The following SYT15B variants were observed in gnomAD, a reference collection of about 807,000 sequenced individuals.
SYT15B encodes the protein synaptotagmin-15.
the SYT15B span, among the ~76,000 whole-genome samples, chr10:47,748,087 A>G: frequency 6.6e-6 from 1 of 152,138 alleles, no homozygotes; most frequent in African/African-American, 2.4e-5. Context: ...GAAGGGAGGA[A>G]GATGGGGCAG....
chr10:47,760,956 T>G, the SYT15B span: 2 of 1,525,440 alleles, frequency 1.3e-6, no homozygotes, highest in Non-Finnish European at 1.8e-6. Context: ...AGACAACATG[T>G]AGGTGGCAAG....
the SYT15B span, among the ~76,000 whole-genome samples, chr10:47,756,569 C>T: frequency 6.7e-6 from 1 of 148,806 alleles, no homozygotes; most frequent in Non-Finnish European, 1.5e-5. Context: ...CCCTTAAACA[C>T]CTTGTACAGA....
the SYT15B span, among the ~76,000 whole-genome samples, chr10:47,749,264 A>AAG: frequency 8.0e-6 from 1 of 124,880 alleles, no homozygotes; most frequent in East Asian, 2.5e-4. Flanking sequence ...ACACAAAAAA[A>AAG]CCTGAGAAAA....
chr10:47,755,082 G>A, the SYT15B span, among the ~76,000 whole-genome samples: 3 of 145,786 alleles, frequency 2.1e-5, no homozygotes, highest in Admixed American at 6.9e-5. Flanking sequence ...TCAGCCTCCC[G>A]AGTAGTTGGG....
At chr10:47,751,051 A>C in the SYT15B span, 1 of 149,872 alleles carries the variant, frequency 6.7e-6, no homozygotes, top group Admixed American at 6.6e-5. Flanking sequence ...CAGCTTGAGA[A>C]TATATGTTAA....
At chr10:47,762,669 G>A in the SYT15B span, 3 of 839,720 alleles carry the variant, frequency 3.6e-6, no homozygotes, top group Non-Finnish European at 4.7e-6. Context: ...TGGTCTCGCC[G>A]GTCTGGGCGG....
the SYT15B span, among the ~76,000 whole-genome samples, chr10:47,762,457 C>A: frequency 7.5e-6 from 1 of 133,628 alleles, no homozygotes; most frequent in Non-Finnish European, 1.6e-5. Flanking sequence ...CCTCCTAAGC[C>A]GCAACTGACC....
chr10:47,748,607 C>CT, the SYT15B span, among the ~76,000 whole-genome samples: 1 of 152,208 alleles, frequency 6.6e-6, no homozygotes, highest in African/African-American at 2.4e-5. Context: ...TTCTTCTTTT[C>CT]TTTTTTCTTT....
At chr10:47,755,555 C>CTTTTTTTTTT in the SYT15B span, among the ~76,000 whole-genome samples, 4 of 83,000 alleles carry the variant, frequency 4.8e-5, no homozygotes, top group African/African-American at 1.9e-4. Context: ...GTGCCCGGCC[C>CTTTTTTTTTT]TTTTTTTTTT....
At chr10:47,749,672 AG>A in the SYT15B span, among the ~76,000 whole-genome samples, 1 of 140,658 alleles carries the variant, frequency 7.1e-6, no homozygotes, top group Non-Finnish European at 1.6e-5. Flanking sequence ...AACCAATGGT[AG>A]GGGGGGAAAC....
the SYT15B span, chr10:47,763,543 TG>T: frequency 1.4e-6 from 1 of 716,418 alleles, no homozygotes; most frequent in Non-Finnish European, 1.7e-6. Flanking sequence ...CAGCGTCGCC[TG>T]GGTCCCCTCT....
At chr10:47,748,360 C>T in the SYT15B span, among the ~76,000 whole-genome samples, 15 of 148,488 alleles carry the variant, frequency 1.0e-4, 1 homozygote, top group Admixed American at 2.7e-4. Flanking sequence ...TACAGGCACG[C>T]GCCACCATGC....
the SYT15B span, among the ~76,000 whole-genome samples, chr10:47,750,206 T>C: frequency 6.6e-6 from 1 of 151,494 alleles, no homozygotes; most frequent in South Asian, 2.1e-4. Flanking sequence ...CCAGTTGAAA[T>C]ACACATAACA....
At chr10:47,747,856 A>G in the SYT15B span, among the ~76,000 whole-genome samples, 9 of 152,154 alleles carry the variant, frequency 5.9e-5, no homozygotes, top group South Asian at 1.7e-3. Flanking sequence ...TGAAATGGAA[A>G]TTTAAAACTT....
the SYT15B span, among the ~76,000 whole-genome samples, chr10:47,748,775 C>T: frequency 6.7e-6 from 1 of 150,014 alleles, no homozygotes; most frequent in Admixed American, 6.6e-5. Flanking sequence ...TGACACATTA[C>T]TCTCAAAGGA....
chr10:47,755,423 T>A, the SYT15B span, among the ~76,000 whole-genome samples: 1 of 152,036 alleles, frequency 6.6e-6, no homozygotes, highest in African/African-American at 2.4e-5. Context: ...ACCCAGCTAA[T>A]TTTTTGTATT....
the SYT15B span, among the ~76,000 whole-genome samples, chr10:47,756,926 G>GA: frequency 7.0e-6 from 1 of 142,890 alleles, no homozygotes; most frequent in African/African-American, 2.6e-5. Flanking sequence ...AAAGAGCCAA[G>GA]ACGCTGCCTC....
the SYT15B span, among the ~76,000 whole-genome samples, chr10:47,762,291 G>A: frequency 1.3e-5 from 2 of 151,606 alleles, no homozygotes; most frequent in African/African-American, 2.4e-5. Flanking sequence ...GACCTAGGAG[G>A]CTTCGCCCCG....
At chr10:47,748,741 C>T in the SYT15B span, among the ~76,000 whole-genome samples, 14 of 151,100 alleles carry the variant, frequency 9.3e-5, no homozygotes, top group East Asian at 5.9e-4. Context: ...GCTGGGATGA[C>T]GGGCGTGAGC....
Sources: allele counts gnomAD v4.1 joint callset (sites outside exome capture counted in the v4.1 genomes callset), GRCh38; gene constraint gnomAD v4.1.1; transcripts MANE v1.5; gene names NCBI Gene and HGNC (gene_info 2026-07-23, HGNC 2026-07-21).